Variants in ZNF678 observed in about 807,000 individuals in gnomAD.
ZNF678 encodes the protein hypothetical protein MGC42493.
A neutral mutation model predicts 3.0 loss-of-function variants in ZNF678; 5 were observed. The observed-to-expected ratio is 1.69, with a 90% confidence interval of 0.88 to 3.56. The LOEUF (loss-of-function observed/expected upper bound fraction) is 3.56. ZNF678 is among the 30% of genes most tolerant of loss of function. ZNF678 has a pLI of 0.00. For synonymous variants in ZNF678, 218 were observed against 199.6 expected (o/e 1.09, Z -0.78); for missense variants, 593 against 605.0 (o/e 0.98, Z 0.21).
chr1:227,661,496 A>C lies in ZNF678; in HGVS notation c.*5668A>C, dbSNP rs970342934. 6.6e-6 allele frequency: 1 copy of C among 152,180 alleles called. No individual in the cohort carries two copies. Among genetic ancestry groups the C allele is most frequent in the African/African-American group, 2.4e-5 (1 of 41,442 alleles). 9.4% of individuals were successfully genotyped at this position (152,180 alleles called of 1,614,324 possible). ...GAGAGTTTCAGTAAAATTCAGAAAA[A>C]AATAATAAATATGAACAGCCACAGC... On this transcript the variant is annotated 3_prime_UTR_variant, in exon 4 of 4. Coordinates refer to ENST00000343776, the MANE Select transcript of ZNF678 (RefSeq NM_001367909.1).
At chr1:227,574,370 G>A (rs149761778) in intron 1 of ZNF678, among the ~76,000 whole-genome samples, 2,341 of 152,268 alleles carry the variant, frequency 0.015, 72 homozygotes, top group African/African-American at 0.053. Context: ...ATTCTGACTG[G>A]TGTGAGATGG....
At chr1:227,585,392 G>A (rs1393446338) in intron 1 of ZNF678, among the ~76,000 whole-genome samples, 1 of 152,164 alleles carries the variant, frequency 6.6e-6, no homozygotes, top group Non-Finnish European at 1.5e-5. Context: ...TGGCTAATAA[G>A]TGAATATATA....
chr1:227,594,048 A>G (rs984547534), intron 1 of ZNF678, among the ~76,000 whole-genome samples: 12 of 152,074 alleles, frequency 7.9e-5, no homozygotes, highest in Non-Finnish European at 1.6e-4. Flanking sequence ...TGAGTTTTTG[A>G]GGGAAAGGAA....
intron 1 of ZNF678, among the ~76,000 whole-genome samples, chr1:227,586,064 A>G (rs761393955): frequency 7.9e-5 from 12 of 151,978 alleles, no homozygotes; most frequent in Non-Finnish European, 1.8e-4. Context: ...GATTTGCGCT[A>G]CAGGTCCCAG....
chr1:227,574,948 T>C (rs1319841536), intron 1 of ZNF678, among the ~76,000 whole-genome samples: 1 of 93,334 alleles, frequency 1.1e-5, no homozygotes. Flanking sequence ...GGGTTTTTTG[T>C]TGTTGTTGTT....
chr1:227,636,924 G>A (rs536916540), intron 1 of ZNF678, among the ~76,000 whole-genome samples: 1 of 152,304 alleles, frequency 6.6e-6, no homozygotes, highest in Middle Eastern at 3.4e-3. Flanking sequence ...AACGCATAAC[G>A]AGAATTTGAA....
At position 227,641,792 on chromosome 1, in the gene ZNF678, G is replaced by T. The variant is rs532308535; in HGVS notation, c.-163-4752G>T. 2.6e-5 allele frequency among the ~76,000 whole-genome samples: 4 copies of T among 151,814 alleles called. No homozygotes were observed. The South Asian group carries it at 6.2e-4, about 24-fold the overall frequency. Reference sequence around the variant, plus strand: ...AAAAAACTTCACAAAACAGCAAACAGACCTTCCAGCTCTTTCTTTTAATGC... The same window carrying T: ...AAAAAACTTCACAAAACAGCAAACATACCTTCCAGCTCTTTCTTTTAATGC... On this transcript the variant is annotated intron_variant, in intron 1 of 3. Coordinates refer to ENST00000343776, the MANE Select transcript of ZNF678 (RefSeq NM_001367909.1).
At chr1:227,665,168 G>A (rs966794063), downstream of ZNF678, among the ~76,000 whole-genome samples, 1 of 152,208 alleles carries the variant, frequency 6.6e-6, no homozygotes, top group Admixed American at 6.5e-5. Context: ...ATTACAAGAA[G>A]GGGTGGGAGG....
intron 1 of ZNF678, among the ~76,000 whole-genome samples, chr1:227,572,388 A>G (rs1656870199): frequency 6.6e-6 from 1 of 151,714 alleles, no homozygotes; most frequent in African/African-American, 2.4e-5. Flanking sequence ...GCAGTGCTGT[A>G]CTGTTCTGCT....
downstream of ZNF678, among the ~76,000 whole-genome samples, chr1:227,666,741 CT>C (rs1182440018): frequency 7.6e-3 from 876 of 115,134 alleles, 1 homozygote; most frequent in African/African-American, 0.021. Flanking sequence ...TTCTTTCTTG[CT>C]TTTTTTTTTT....
intron 1 of ZNF678, among the ~76,000 whole-genome samples, chr1:227,639,084 GGGC>G (rs1658752470): frequency 2.0e-5 from 3 of 152,218 alleles, no homozygotes; most frequent in East Asian, 1.9e-4. Flanking sequence ...GAAGGGATGG[GGGC>G]GGTCCTTGCT....
chr1:227,619,479 G>A (rs1658220666), intron 1 of ZNF678, among the ~76,000 whole-genome samples: 1 of 150,672 alleles, frequency 6.6e-6, no homozygotes, highest in African/African-American at 2.4e-5. Flanking sequence ...ACTCTGGGTT[G>A]TGTCATAGTT....
In ZNF678 at chr1:227,654,933, A is replaced by T; in HGVS notation, c.683A>T (p.Lys228Met). The change falls in exon 4 of 4, where the codon AAG becomes ATG. Residue 228 changes from lysine (K) to methionine (M), a missense_variant. Lys to Met is a moderately conservative substitution (Grantham distance 95). Coordinates refer to ENST00000343776, the MANE Select transcript of ZNF678 (RefSeq NM_001367909.1). ...FTQFSNLTQH[K>M]RIHTGEKPYK... is the part of the protein sequence containing the mutation. ...CAGTTCTCAAACCTTACACAACATAAGAGAATTCATACTGGAGAGAAACCC... is the reference window on the plus strand; with the variant it reads ...CAGTTCTCAAACCTTACACAACATATGAGAATTCATACTGGAGAGAAACCC... The T allele has an allele frequency of 1.2e-6, 2 of 1,612,718 alleles. No homozygotes were observed. The highest frequency in any genetic ancestry group is 1.7e-6 in the Non-Finnish European group (2 of 1,179,474).
chr1:227,603,868 A>C (rs1319994009), intron 1 of ZNF678, among the ~76,000 whole-genome samples: 2 of 152,208 alleles, frequency 1.3e-5, no homozygotes, highest in Non-Finnish European at 2.9e-5. Context: ...TTAGTGTTAC[A>C]CAACCATTAA....
rs776253193 is a variant in ZNF678 at position 227,646,600 on chromosome 1, C to G, written c.-107C>G. Reference sequence around the variant, plus strand: ...AATTCTCTCCAGAGGAGTGGGCATGCCTGGACCCTGCCCAGCGAAATTTGT... The same window carrying G: ...AATTCTCTCCAGAGGAGTGGGCATGGCTGGACCCTGCCCAGCGAAATTTGT... On this transcript the variant is annotated 5_prime_UTR_variant, in exon 2 of 4. Transcript: ENST00000343776. The G allele has an allele frequency of 7.3e-7, 1 of 1,372,244 alleles. No homozygotes were observed. The highest frequency in any genetic ancestry group is 1.9e-5 in the Admixed American group (1 of 52,798). 85.0% of individuals were successfully genotyped at this position (1,372,244 alleles called of 1,614,324 possible).
chr1:227,632,944 A>G (rs1658584072), intron 1 of ZNF678, among the ~76,000 whole-genome samples: 1 of 152,104 alleles, frequency 6.6e-6, no homozygotes, highest in Non-Finnish European at 1.5e-5. Flanking sequence ...GGTGAGTGTT[A>G]TAGCTCTATT....
chr1:227,606,292 G>A (rs1365456709), intron 1 of ZNF678, among the ~76,000 whole-genome samples: 1 of 152,188 alleles, frequency 6.6e-6, no homozygotes, highest in Non-Finnish European at 1.5e-5. Context: ...AGGAAAACAT[G>A]TGAGTAAAGG....
chr1:227,570,339 A>G (rs575197870), intron 1 of ZNF678, among the ~76,000 whole-genome samples: 5 of 152,292 alleles, frequency 3.3e-5, no homozygotes, highest in African/African-American at 4.8e-5. Context: ...TTGTAGTTCT[A>G]TGTACATTGT....
At chr1:227,583,335 C>CT (rs916306642) in intron 1 of ZNF678, among the ~76,000 whole-genome samples, 4 of 145,234 alleles carry the variant, frequency 2.8e-5, no homozygotes, top group Non-Finnish European at 4.6e-5. Flanking sequence ...TAGAAAATTT[C>CT]TTTTTTTTTC....
Sources: gnomAD v4.1 joint callset for allele counts (sites outside exome capture counted in the v4.1 genomes callset) on GRCh38, gnomAD v4.1.1 for gene constraint, MANE v1.5 for transcripts, NCBI Gene and HGNC (gene_info 2026-07-23, HGNC 2026-07-21) for gene names.